TRIM36: variants seen among roughly 807,000 people sequenced by gnomAD.
TRIM36 encodes the protein tripartite motif containing 36, also known as E3 ubiquitin-protein ligase TRIM36.
TRIM36 carries 42 observed loss-of-function variants against 72.4 expected under a neutral mutation model. The observed-to-expected ratio is 0.58, with a 90% confidence interval of 0.45 to 0.75. The LOEUF (loss-of-function observed/expected upper bound fraction) is 0.75, where lower values mean the gene tolerates loss of function less well. TRIM36 is among the 30% of genes least tolerant of loss of function. The probability of loss-of-function intolerance (pLI) is 0.00; values close to 1 mark genes in which losing one functional copy is unlikely to be tolerated. For synonymous variants in TRIM36, 315 were observed against 282.8 expected (o/e 1.11, Z -1.14); for missense variants, 913 against 857.1 (o/e 1.07, Z -0.81).
chr5:115,134,240 A>G (rs1752844246), intron 7 of TRIM36, 93 bp from the exon 8 acceptor site: 1 of 1,186,964 alleles, frequency 8.4e-7, no homozygotes, highest in Admixed American at 3.4e-5. Context: ...AACAGTATTT[A>G]ATGATTTCTA....
intron 4 of TRIM36, among the ~76,000 whole-genome samples, chr5:115,143,235 A>C (rs866008664): frequency 1.7e-4 from 26 of 150,358 alleles, no homozygotes; most frequent in Non-Finnish European, 3.1e-4. Flanking sequence ...AAAAAAAAAA[A>C]AAAAAAAAAA....
intron 7 of TRIM36, among the ~76,000 whole-genome samples, chr5:115,135,332 T>C (rs1432357309): frequency 2.6e-5 from 4 of 152,180 alleles, no homozygotes; most frequent in African/African-American, 9.7e-5. Flanking sequence ...ATGCTGCATT[T>C]ATACAACTGA....
chr5:115,127,658 C>A (rs191961115), intron 9 of TRIM36, among the ~76,000 whole-genome samples: 74 of 152,320 alleles, frequency 4.9e-4, no homozygotes, highest in African/African-American at 1.8e-3. Flanking sequence ...TGTGGTGATA[C>A]TGGTGTAAAC....
chr5:115,177,470 T>C (rs1755387642), intron 1 of TRIM36: 2 of 1,168,452 alleles, frequency 1.7e-6, no homozygotes, highest in Admixed American at 3.5e-5. Context: ...TTCTTTACAT[T>C]ACAAACCCGA....
At chr5:115,155,545 CAG>C (rs773477511) in intron 2 of TRIM36, among the ~76,000 whole-genome samples, 1 of 152,134 alleles carries the variant, frequency 6.6e-6, no homozygotes, top group African/African-American at 2.4e-5. Flanking sequence ...ACCACATAAA[CAG>C]AATTAAAAAC....
intron 2 of TRIM36, among the ~76,000 whole-genome samples, chr5:115,161,617 A>T (rs1754485904): frequency 6.6e-6 from 1 of 152,266 alleles, no homozygotes; most frequent in Middle Eastern, 3.4e-3. Context: ...AAAACCAATA[A>T]ATCTGACAAT....
intron 2 of TRIM36, among the ~76,000 whole-genome samples, chr5:115,157,590 C>A (rs1294704316): frequency 6.6e-6 from 1 of 151,902 alleles, no homozygotes; most frequent in Non-Finnish European, 1.5e-5. Flanking sequence ...AAAAGTGGAA[C>A]TACCATTTGA....
chr5:115,144,729 C>G lies in TRIM36; in HGVS notation c.604G>C (p.Glu202Gln), dbSNP rs751460799. 6.2e-7 allele frequency: 1 copy of G among 1,612,972 alleles called. No individual in the cohort carries two copies. Among genetic ancestry groups the G allele is most frequent in the Non-Finnish European group, 8.5e-7 (1 of 1,179,838 alleles). The stretch of plus-strand genomic sequence containing the variant: ...ATGTTTATTCTCTCTGTTTCATGTT[C>G]TGGGCACATTAAAATCTATTGAGTA... Reference protein sequence around the residue: ...NFRPKILMCPEHETERINMYC... With the variant: ...NFRPKILMCPQHETERINMYC... The change falls in exon 4 of 10, where the codon GAA becomes CAA. Residue 202 changes from glutamate to glutamine, a missense_variant. Physicochemically the swap from Glu to Gln is conservative, Grantham distance 29 (BLOSUM62 2). Transcript: ENST00000513154.
At position 115,134,041 on chromosome 5, in the gene TRIM36, T is replaced by C. The variant is rs1209590884; in HGVS notation, c.1317A>G (p.Glu439=). 1.2e-6 allele frequency: 2 copies of C among 1,613,808 alleles called. No homozygotes were observed. Among genetic ancestry groups the C allele is most frequent in the African/African-American group, 1.3e-5 (1 of 74,916 alleles). The change falls in exon 8 of 10, where the codon GAA becomes GAG. Residue 439 remains glutamate, a synonymous_variant. Transcript: ENST00000513154. The stretch of plus-strand genomic sequence containing the variant: ...CATCATCTCTATTGATTTTCCGATA[T>C]TCAAGAACATAGCTATCAGCTTTAT... ...EKDKADSYVL[E]YRKINRDDEM... is the part of the protein sequence containing the mutation.
chr5:115,125,074 T>C lies in TRIM36; in HGVS notation c.*1429A>G, dbSNP rs1216012056. On this transcript the variant is annotated 3_prime_UTR_variant, in exon 10 of 10. Transcript: ENST00000513154. Reference sequence around the variant, plus strand: ...TGATATTTGCTACTTGAGTTGAGGGTAAAAAGCTAATTTAATGCTACCAGC... The same window carrying C: ...TGATATTTGCTACTTGAGTTGAGGGCAAAAAGCTAATTTAATGCTACCAGC... 1.3e-5 allele frequency: 2 copies of C among 152,402 alleles called. No individual in the cohort carries two copies. Among genetic ancestry groups the C allele is most frequent in the Admixed American group, 6.6e-5 (1 of 15,252 alleles). The allele number at this position is 152,402 out of a possible 1,614,324, so 9.4% of individuals were successfully genotyped here. A position where few individuals can be genotyped will look rare whatever the true frequency, so the allele number is the denominator to read the frequency against.
chr5:115,148,197 TA>T, intron 2 of TRIM36: 1 of 345,376 alleles, frequency 2.9e-6, no homozygotes, highest in Non-Finnish European at 4.1e-6. Flanking sequence ...CTTAACTCAG[TA>T]AGCCAAAAGT....
At chr5:115,138,938 C>A (rs1753121130) in intron 5 of TRIM36, among the ~76,000 whole-genome samples, 2 of 152,092 alleles carry the variant, frequency 1.3e-5, no homozygotes, top group Admixed American at 6.5e-5. Context: ...GCCTCAGCCT[C>A]CCGAGTAGCT....
In TRIM36 at chr5:115,130,663, T is replaced by C. The variant is rs1260884266; in HGVS notation, c.1725A>G (p.Val575=). ...AFRVEPYSYL[V]KVGVASSDKL... ...TATCGCTAGAAGCAACTCCCACTTT[T>C]ACCAGGTATGAATATGGTTCCACAC... The change falls in exon 9 of 10, where the codon GTA becomes GTG. Residue 575 remains valine, a synonymous_variant. Coordinates refer to ENST00000513154, the MANE Select transcript of TRIM36 (RefSeq NM_001300759.2). The C allele has an allele frequency of 2.5e-6, 4 of 1,614,084 alleles. No homozygotes were observed. The highest frequency in any genetic ancestry group is 1.3e-5 in the African/African-American group (1 of 74,936).
At chr5:115,148,303 T>C (rs1753700840) in intron 2 of TRIM36, 1 of 981,238 alleles carries the variant, frequency 1.0e-6, no homozygotes, top group Non-Finnish European at 1.2e-6. Flanking sequence ...CCAATTTTAA[T>C]AAATCAAGAA....
At chr5:115,141,226 T>C in intron 5 of TRIM36, 53 bp downstream of exon 5, 2 of 1,255,724 alleles carry the variant, frequency 1.6e-6, no homozygotes, top group Non-Finnish European at 2.3e-6. Flanking sequence ...AATGAATGAA[T>C]GTCTAGATAA....
At chr5:115,137,711 T>A in intron 5 of TRIM36, 95 bp from the exon 6 acceptor site, 1 of 1,333,566 alleles carries the variant, frequency 7.5e-7, no homozygotes, top group Non-Finnish European at 1.0e-6. Context: ...TCTACATAAT[T>A]ACATTTCATC....
At chr5:115,158,624 C>A (rs1409094051) in intron 2 of TRIM36, among the ~76,000 whole-genome samples, 1 of 152,194 alleles carries the variant, frequency 6.6e-6, no homozygotes, top group African/African-American at 2.4e-5. Flanking sequence ...TCTTATGCTG[C>A]CACCTTAATG....
chr5:115,178,005 T>C, intron 1 of TRIM36: 1 of 912,974 alleles, frequency 1.1e-6, no homozygotes, highest in Admixed American at 2.5e-5. Context: ...GGTTTTGTTT[T>C]TGTTTACCTG....
Position 115,130,716 on chromosome 5 carries a change from T to C in TRIM36, c.1672A>G (p.Thr558Ala). Residue 558 changes from threonine (T) to alanine (A), a missense_variant, in exon 9 of 10, where the codon ACA (threonine) becomes GCA (alanine). Transcript: ENST00000513154. ...LDYIIGDTGI[T>A]KGKHFWAFRV... Reference sequence around the variant, plus strand: ...AAGGCCCAGAAGTGTTTTCCTTTTGTAATGCCAGTATCTCCAATGATGTAG... The same window carrying C: ...AAGGCCCAGAAGTGTTTTCCTTTTGCAATGCCAGTATCTCCAATGATGTAG... 6.2e-7 allele frequency: 1 copy of C among 1,614,186 alleles called. No individual in the cohort carries two copies. The highest frequency in any genetic ancestry group is 1.1e-5 in the South Asian group (1 of 91,086).
Sources: allele counts gnomAD v4.1 joint callset (sites outside exome capture counted in the v4.1 genomes callset), GRCh38; gene constraint gnomAD v4.1.1; transcripts MANE v1.5; gene names NCBI Gene and HGNC (gene_info 2026-07-23, HGNC 2026-07-21).